MYO1B: variants seen among roughly 807,000 people sequenced by gnomAD.
The protein encoded by MYO1B is myosin IB, also known as unconventional myosin-Ib.
A neutral mutation model predicts 159.7 loss-of-function variants in MYO1B; 72 were observed. That is an observed-to-expected ratio of 0.45 (90% CI 0.37 to 0.55). The LOEUF (loss-of-function observed/expected upper bound fraction) is 0.55, where lower values mean the gene tolerates loss of function less well. Among genes scored for constraint, MYO1B ranks in the 20% least tolerant of loss-of-function variants. The pLI is 0.00. For missense variants in MYO1B, 1,062 were observed against 1,364.8 expected, an observed-to-expected ratio of 0.78 and a Z score of 3.50; for synonymous variants, 468 against 473.8, an observed-to-expected ratio of 0.99 and a Z score of 0.16.
chr2:191,308,652 C>T (rs1689798659), intron 3 of MYO1B, among the ~76,000 whole-genome samples: 1 of 152,190 alleles, frequency 6.6e-6, no homozygotes, highest in South Asian at 2.1e-4. Flanking sequence ...TATTACCAAA[C>T]TGTTTGAAAA....
chr2:191,250,315 T>A (rs1686034047), intron 1 of MYO1B, among the ~76,000 whole-genome samples: 1 of 152,198 alleles, frequency 6.6e-6, no homozygotes, highest in Non-Finnish European at 1.5e-5. Flanking sequence ...CAATCTCCAA[T>A]GATGTGAAAG....
chr2:191,397,387 G>T (rs1171161156), intron 21 of MYO1B, among the ~76,000 whole-genome samples: 5 of 147,538 alleles, frequency 3.4e-5, no homozygotes, highest in Admixed American at 2.7e-4. Context: ...AGGGAGTGGT[G>T]ATGACTCTTA....
chr2:191,388,348 A>C (rs1695529341), intron 17 of MYO1B: 1 of 151,936 alleles, frequency 6.6e-6, no homozygotes, highest in Non-Finnish European at 1.5e-5. Context: ...CTTAGACAGA[A>C]CTCTCTCTAG....
intron 24 of MYO1B, 98 bp from the exon 25 acceptor site, chr2:191,408,017 G>C (rs1697032713): frequency 4.2e-6 from 3 of 716,270 alleles, no homozygotes; most frequent in Non-Finnish European, 7.1e-6. Context: ...CTTATAAACT[G>C]ACTTGTTTGA....
chr2:191,421,724 C>A (rs565385628), intron 30 of MYO1B, among the ~76,000 whole-genome samples: 168 of 152,326 alleles, frequency 1.1e-3, no homozygotes, highest in African/African-American at 3.8e-3. Flanking sequence ...TACCTGCCTG[C>A]CTTGGCCTCC....
At chr2:191,340,789 G>A (rs890897200) in intron 4 of MYO1B, among the ~76,000 whole-genome samples, 28 of 151,766 alleles carry the variant, frequency 1.8e-4, no homozygotes, top group African/African-American at 5.6e-4. Flanking sequence ...GCAGTGGTGC[G>A]ATCTCAGCTC....
rs1172191571 is a variant in MYO1B at position 191,424,455 on chromosome 2, T to C, written c.*495T>C. ...AACGACATCTAAGAAGGTTTAGAAA[T>C]GGTGAGACCAAAACAATAACTGTTA... On this transcript the variant is annotated 3_prime_UTR_variant, in exon 31 of 31. Transcript: ENST00000392318. The C allele has an allele frequency of 6.5e-6, 1 of 153,200 alleles. No individual in the cohort carries two copies. The highest frequency in any genetic ancestry group is 1.5e-5 in the Non-Finnish European group (1 of 68,750). The allele number at this position is 153,200 out of a possible 1,614,324, so 9.5% of individuals were successfully genotyped here. A position where few individuals can be genotyped will look rare whatever the true frequency, so the allele number is the denominator to read the frequency against.
At chr2:191,419,408 T>C (rs187953914) in intron 30 of MYO1B, among the ~76,000 whole-genome samples, 1,720 of 152,040 alleles carry the variant, frequency 0.011, 29 homozygotes, top group Non-Finnish European at 0.012. Context: ...TTAGTAGAGG[T>C]GGGGTTTCAT....
At chr2:191,373,988 G>A (rs149408881) in intron 13 of MYO1B, among the ~76,000 whole-genome samples, 1 of 152,148 alleles carries the variant, frequency 6.6e-6, no homozygotes, top group African/African-American at 2.4e-5. Context: ...TTGTGGGGAG[G>A]TTAGATTAGC....
At chr2:191,294,120 A>G (rs994903407) in intron 2 of MYO1B, among the ~76,000 whole-genome samples, 7 of 152,150 alleles carry the variant, frequency 4.6e-5, no homozygotes, top group African/African-American at 1.7e-4. Context: ...AACACACATA[A>G]TTCAGTATGT....
chr2:191,330,006 G>A lies in MYO1B; in HGVS notation c.323G>A (p.Gly108Glu). The A allele has an allele frequency of 1.9e-6, 3 of 1,612,022 alleles. No individual in the cohort carries two copies. The highest frequency in any genetic ancestry group is 2.5e-6 in the Non-Finnish European group (3 of 1,178,780). Reference protein sequence around the residue: ...QDKDQCILITGESGAGKTEAS... With the variant: ...QDKDQCILITEESGAGKTEAS... ...AAGGACCAATGTATTCTCATTACTG[G>A]GGAAAGTGGAGCAGGAAAAACAGGT... Residue 108 changes from glycine to glutamate, a missense_variant, in exon 4 of 31, where the codon GGG becomes GAG. Around this residue, in one of 5 missense-constraint regions of MYO1B, gnomAD observed 415 missense variants for 544.0 expected, o/e 0.76. Transcript: ENST00000392318.
intron 3 of MYO1B, among the ~76,000 whole-genome samples, chr2:191,308,539 C>G (rs776952710): frequency 6.6e-6 from 1 of 152,194 alleles, no homozygotes; most frequent in Non-Finnish European, 1.5e-5. Context: ...CCCCTGTCTA[C>G]TGCCTTATCT....
intron 3 of MYO1B, among the ~76,000 whole-genome samples, chr2:191,306,049 C>G (rs1380409364): frequency 6.6e-6 from 1 of 151,898 alleles, no homozygotes; most frequent in East Asian, 1.9e-4. Flanking sequence ...CATTCTAGCA[C>G]AGAGAGAGAC....
chr2:191,321,202 A>T (rs1323168868), intron 3 of MYO1B, among the ~76,000 whole-genome samples: 1 of 152,178 alleles, frequency 6.6e-6, no homozygotes, highest in Non-Finnish European at 1.5e-5. Flanking sequence ...ATCTGTCTGT[A>T]AAAAATCAGC....
intron 1 of MYO1B, among the ~76,000 whole-genome samples, chr2:191,261,896 T>A (rs2125692875): frequency 6.6e-6 from 1 of 152,290 alleles, no homozygotes; most frequent in Non-Finnish European, 1.5e-5. Flanking sequence ...TTGTAGAGCT[T>A]CATTTAAAAT....
At chr2:191,286,942 C>T (rs1284939409) in intron 2 of MYO1B, among the ~76,000 whole-genome samples, 2 of 152,126 alleles carry the variant, frequency 1.3e-5, no homozygotes, top group Non-Finnish European at 2.9e-5. Flanking sequence ...AAACACAAAA[C>T]AAAACAAAAC....
chr2:191,423,877 T>G lies in MYO1B; in HGVS notation c.3328T>G (p.Phe1110Val). Residue 1110 changes from phenylalanine (F) to valine (V), a missense_variant, in exon 31 of 31, where the codon TTT becomes GTT. By Grantham distance (50) the Phe-to-Val change is conservative. Around this residue, in one of 5 missense-constraint regions of MYO1B, gnomAD observed 609 missense variants for 744.4 expected, o/e 0.82. Coordinates refer to ENST00000392318, the MANE Select transcript of MYO1B (RefSeq NM_001130158.3). ...CAGACAGGACAAAGTATGTGTGAAG[T>G]TTATTCAGGGAAACCAGAAAAATGG... ...QFRQDKVCVK[F>V]IQGNQKNGSV... The G allele has an allele frequency of 6.2e-7, 1 of 1,614,032 alleles. No individual in the cohort carries two copies. The highest frequency in any genetic ancestry group is 8.5e-7 in the Non-Finnish European group (1 of 1,179,932).
intron 7 of MYO1B, among the ~76,000 whole-genome samples, chr2:191,356,943 G>A (rs577737805): frequency 1.3e-5 from 2 of 152,302 alleles, no homozygotes; most frequent in East Asian, 3.9e-4. Flanking sequence ...GGGTCTCTGC[G>A]AGCAGTCAGT....
chr2:191,269,137 T>C (rs1401282767), intron 1 of MYO1B, among the ~76,000 whole-genome samples: 1 of 152,188 alleles, frequency 6.6e-6, no homozygotes, highest in Non-Finnish European at 1.5e-5. Flanking sequence ...ACTAAAACTG[T>C]AGCCGTTAAA....
Sources: gnomAD v4.1 joint callset for allele counts (sites outside exome capture counted in the v4.1 genomes callset) on GRCh38, gnomAD v4.1.1 for gene constraint, gnomAD v4.1.1 regional missense constraint, MANE v1.5 for transcripts, NCBI Gene and HGNC (gene_info 2026-07-23, HGNC 2026-07-21) for gene names.